Variants in SPECC1 observed in about 807,000 individuals in gnomAD.
SPECC1 encodes the protein cytospin-B.
In SPECC1, 62 loss-of-function variants were observed where a neutral mutation model predicts 104.1. The observed-to-expected ratio is 0.60, with a 90% CI of 0.49 to 0.74. The LOEUF (loss-of-function observed/expected upper bound fraction) is 0.74, where lower values mean the gene tolerates loss of function less well. SPECC1 is among the 30% of genes least tolerant of loss of function. SPECC1 has a pLI of 0.00. For synonymous variants in SPECC1, 513 were observed against 501.6 expected, an observed-to-expected ratio of 1.02 and a Z score of -0.30; for missense variants, 1,306 against 1,310.5, an observed-to-expected ratio of 1.00 and a Z score of 0.05.
intron 12 of SPECC1, among the ~76,000 whole-genome samples, chr17:20,274,935 A>G (rs1290286768): frequency 1.3e-5 from 2 of 151,538 alleles, no homozygotes; most frequent in Admixed American, 1.3e-4. Flanking sequence ...ATTATTAAAT[A>G]ATTTAATAAT....
intron 1 of SPECC1, among the ~76,000 whole-genome samples, chr17:20,088,679 C>T (rs1378815748): frequency 6.6e-6 from 1 of 152,152 alleles, no homozygotes; most frequent in African/African-American, 2.4e-5. Flanking sequence ...TGTTTGGCTA[C>T]GCTGCAGGGT....
At chr17:20,211,821 G>A (rs1383444382) in intron 4 of SPECC1, among the ~76,000 whole-genome samples, 1 of 152,206 alleles carries the variant, frequency 6.6e-6, no homozygotes, top group African/African-American at 2.4e-5. Flanking sequence ...TCCCAATCCT[G>A]CCTGACCCTG....
chr17:20,081,346 C>T (rs1399911632), intron 1 of SPECC1, among the ~76,000 whole-genome samples: 1 of 152,088 alleles, frequency 6.6e-6, no homozygotes, highest in Non-Finnish European at 1.5e-5. Context: ...GAGACAGTCC[C>T]CAGCTGTTTG....
At chr17:20,055,485 T>C (rs2045928053) in intron 1 of SPECC1, among the ~76,000 whole-genome samples, 1 of 152,176 alleles carries the variant, frequency 6.6e-6, no homozygotes, top group African/African-American at 2.4e-5. Context: ...CTTGCTGTCT[T>C]TTGATTTTTT....
At chr17:20,128,069 A>C (rs958108738) in intron 3 of SPECC1, among the ~76,000 whole-genome samples, 8 of 152,238 alleles carry the variant, frequency 5.3e-5, no homozygotes, top group African/African-American at 1.9e-4. Flanking sequence ...ATAAAAGGCA[A>C]ATAATTTCTA....
At chr17:20,079,988 ACT>A (rs2046903953) in intron 1 of SPECC1, among the ~76,000 whole-genome samples, 1 of 152,096 alleles carries the variant, frequency 6.6e-6, no homozygotes, top group African/African-American at 2.4e-5. Context: ...CACTGGGACC[ACT>A]GTTTCCCAGA....
At chr17:20,163,418 TATTA>T (rs1233386415) in intron 3 of SPECC1, among the ~76,000 whole-genome samples, 11 of 152,210 alleles carry the variant, frequency 7.2e-5, no homozygotes, top group African/African-American at 9.6e-5. Flanking sequence ...AATTTGTGTT[TATTA>T]ATTTAGTATA....
chr17:20,061,024 T>G (rs1216732418), intron 1 of SPECC1, among the ~76,000 whole-genome samples: 1 of 152,210 alleles, frequency 6.6e-6, no homozygotes, highest in Non-Finnish European at 1.5e-5. Flanking sequence ...CATAATACCT[T>G]TAACATTTCA....
chr17:20,166,042 C>T (rs1050672782), intron 3 of SPECC1, among the ~76,000 whole-genome samples: 14 of 152,154 alleles, frequency 9.2e-5, no homozygotes, highest in African/African-American at 3.4e-4. Flanking sequence ...TTGTGGATAT[C>T]TTTCTTGGCT....
At chr17:20,151,484 G>C (rs147068923) in intron 3 of SPECC1, among the ~76,000 whole-genome samples, 44 of 152,312 alleles carry the variant, frequency 2.9e-4, no homozygotes, top group Non-Finnish European at 5.9e-4. Context: ...CCCATCATAA[G>C]TTGAGGAGTG....
intron 3 of SPECC1, among the ~76,000 whole-genome samples, chr17:20,117,021 A>G (rs901514554): frequency 3.9e-5 from 6 of 152,078 alleles, no homozygotes; most frequent in Admixed American, 6.5e-5. Context: ...AATTCTGACA[A>G]TACTAATCAG....
At chr17:20,116,335 A>G (rs1240201498) in intron 3 of SPECC1, among the ~76,000 whole-genome samples, 1 of 152,050 alleles carries the variant, frequency 6.6e-6, no homozygotes, top group Non-Finnish European at 1.5e-5. Flanking sequence ...TGATCCACCC[A>G]CCTTGGCCTC....
chr17:20,175,826 T>C (rs2034435548), intron 3 of SPECC1, among the ~76,000 whole-genome samples: 1 of 152,192 alleles, frequency 6.6e-6, no homozygotes, highest in South Asian at 2.1e-4. Context: ...GATGCACATG[T>C]AGGGTAGGCT....
chr17:20,090,214 C>G (rs531322616), intron 1 of SPECC1, among the ~76,000 whole-genome samples: 1 of 152,224 alleles, frequency 6.6e-6, no homozygotes, highest in Admixed American at 6.5e-5. Flanking sequence ...TCTGCACCAG[C>G]GCAGGCGACC....
intron 3 of SPECC1, among the ~76,000 whole-genome samples, chr17:20,148,922 T>C (rs1282943689): frequency 6.6e-6 from 1 of 152,152 alleles, no homozygotes; most frequent in Non-Finnish European, 1.5e-5. Flanking sequence ...GGTTTCACCA[T>C]GTTGGCCAGG....
At chr17:20,182,196 C>T (rs1010089517) in intron 3 of SPECC1, among the ~76,000 whole-genome samples, 1 of 150,502 alleles carries the variant, frequency 6.6e-6, no homozygotes, top group Non-Finnish European at 1.5e-5. Flanking sequence ...TCACTGGAGC[C>T]TCATCCTCCA....
intron 12 of SPECC1, among the ~76,000 whole-genome samples, chr17:20,287,139 C>CG (rs2040976173): frequency 6.6e-6 from 1 of 152,124 alleles, no homozygotes; most frequent in African/African-American, 2.4e-5. Context: ...TGGCTTTGGC[C>CG]GGGCGCGGGT....
chr17:20,035,764 A>C (rs2045047543), intron 1 of SPECC1, among the ~76,000 whole-genome samples: 1 of 152,204 alleles, frequency 6.6e-6, no homozygotes, highest in Admixed American at 6.5e-5. Context: ...TTGTATGTTC[A>C]TCATATATCC....
rs182232236 is a variant in SPECC1 at position 20,167,445 on chromosome 17, C to T, written c.284-36888C>T. 2.3e-3 allele frequency among the ~76,000 whole-genome samples: 354 copies of T among 152,076 alleles called. 2 individuals are homozygous for T. The highest frequency in any genetic ancestry group is 4.5e-3 in the Admixed American group (69 of 15,266). ...CTGTAATCCTAGCACTTTGGGAGGC[C>T]GAGATGGGCGGATCACCAAAGTCAG... On this transcript the variant is annotated intron_variant, in intron 3 of 14. Coordinates refer to ENST00000395527, the MANE Select transcript of SPECC1 (RefSeq NM_001243439.2).
Sources: gnomAD v4.1 joint callset for allele counts (sites outside exome capture counted in the v4.1 genomes callset) on GRCh38, gnomAD v4.1.1 for gene constraint, MANE v1.5 for transcripts, NCBI Gene and HGNC (gene_info 2026-07-23, HGNC 2026-07-21) for gene names.